Variants in TOX observed in about 807,000 individuals in gnomAD.
TOX encodes thymocyte selection-associated high mobility group box protein TOX.
Under a neutral mutation model 53.7 loss-of-function variants are expected in TOX, and 11 were observed. The ratio of observed to expected loss-of-function variants is 0.20; its 90% CI spans 0.13 to 0.34. The LOEUF is 0.34. TOX is among the 10% of genes least tolerant of loss of function. The pLI is 1.00. For synonymous variants in TOX, 225 were observed against 245.3 expected (o/e 0.92, Z 0.77); for missense variants, 570 against 664.6 (o/e 0.86, Z 1.56).
intron 1 of TOX, among the ~76,000 whole-genome samples, chr8:59,024,516 G>A (rs1047911341): frequency 2.6e-5 from 4 of 152,190 alleles, no homozygotes; most frequent in South Asian, 2.1e-4. Flanking sequence ...AAAACAGTTC[G>A]TCCAGATCCT....
intron 1 of TOX, among the ~76,000 whole-genome samples, chr8:59,035,689 G>C (rs1814445999): frequency 6.6e-6 from 1 of 152,142 alleles, no homozygotes; most frequent in Non-Finnish European, 1.5e-5. Context: ...TGTGTGCTGA[G>C]GGTGCTAGAC....
chr8:59,039,254 G>A (rs910281881), intron 1 of TOX, among the ~76,000 whole-genome samples: 1 of 152,136 alleles, frequency 6.6e-6, no homozygotes, highest in African/African-American at 2.4e-5. Flanking sequence ...TTCATCAAAT[G>A]GATTTGATAT....
intron 6 of TOX, among the ~76,000 whole-genome samples, chr8:58,817,942 A>G (rs907492939): frequency 2.6e-5 from 4 of 152,198 alleles, no homozygotes; most frequent in African/African-American, 9.6e-5. Context: ...AAAATATCGA[A>G]TTCAAAATAA....
At chr8:59,009,607 A>C (rs1249402738) in intron 1 of TOX, among the ~76,000 whole-genome samples, 2 of 152,128 alleles carry the variant, frequency 1.3e-5, no homozygotes, top group Admixed American at 1.3e-4. Context: ...TCCTGACCTC[A>C]AGTGATAAGC....
intron 3 of TOX, among the ~76,000 whole-genome samples, chr8:58,904,644 A>T (rs1290360002): frequency 1.3e-5 from 2 of 152,212 alleles, no homozygotes; most frequent in African/African-American, 4.8e-5. Context: ...ACTCTTAAGC[A>T]GTAGCAGCAG....
intron 3 of TOX, among the ~76,000 whole-genome samples, chr8:58,929,676 A>T (rs1338583424): frequency 6.6e-6 from 1 of 152,154 alleles, no homozygotes; most frequent in African/African-American, 2.4e-5. Context: ...TTATAATGCA[A>T]CATTTCAATG....
At chr8:58,952,850 A>G (rs1812646128) in intron 2 of TOX, among the ~76,000 whole-genome samples, 1 of 152,204 alleles carries the variant, frequency 6.6e-6, no homozygotes, top group South Asian at 2.1e-4. Context: ...CAGCTTGGAA[A>G]TGTATATGAT....
intron 3 of TOX, among the ~76,000 whole-genome samples, chr8:58,881,745 G>T (rs1397442166): frequency 7.8e-6 from 1 of 127,626 alleles, no homozygotes; most frequent in African/African-American, 3.0e-5. Context: ...AAAAAAAAAA[G>T]GCTTAGAGGC....
intron 1 of TOX, among the ~76,000 whole-genome samples, chr8:59,112,977 T>G (rs1365312902): frequency 2.0e-5 from 3 of 152,230 alleles, no homozygotes; most frequent in Admixed American, 1.3e-4. Context: ...TACCTATGAC[T>G]TCTCAGAAAT....
At chr8:59,108,458 A>G (rs1586024583) in intron 1 of TOX, among the ~76,000 whole-genome samples, 2 of 152,292 alleles carry the variant, frequency 1.3e-5, no homozygotes, top group African/African-American at 2.4e-5. Flanking sequence ...ATAGTTCACA[A>G]CTGCGCCTGT....
At chr8:58,912,020 G>C (rs1252425492) in intron 3 of TOX, among the ~76,000 whole-genome samples, 2 of 152,176 alleles carry the variant, frequency 1.3e-5, no homozygotes, top group African/African-American at 2.4e-5. Context: ...TTTCAATGCA[G>C]CTCCCCCGGC....
intron 3 of TOX, among the ~76,000 whole-genome samples, chr8:58,908,105 C>T (rs747809999): frequency 1.3e-5 from 2 of 152,116 alleles, no homozygotes; most frequent in Non-Finnish European, 2.9e-5. Context: ...CCCAGAGCCC[C>T]CGCCATAGGC....
intron 4 of TOX, among the ~76,000 whole-genome samples, chr8:58,849,430 C>T (rs1205447336): frequency 6.6e-6 from 1 of 152,102 alleles, no homozygotes; most frequent in Non-Finnish European, 1.5e-5. Context: ...TAAATTATTT[C>T]AAGATGTGGA....
intron 3 of TOX, among the ~76,000 whole-genome samples, chr8:58,932,591 T>C (rs946023184): frequency 1.3e-5 from 2 of 152,178 alleles, no homozygotes; most frequent in African/African-American, 2.4e-5. Flanking sequence ...ATTTGGAAAA[T>C]ATTTATTTTA....
chr8:59,043,884 C>A (rs1803639713), intron 1 of TOX, among the ~76,000 whole-genome samples: 1 of 152,162 alleles, frequency 6.6e-6, no homozygotes, highest in Non-Finnish European at 1.5e-5. Flanking sequence ...AATTATGATA[C>A]CAAATACAGT....
At chr8:58,826,930 T>C in intron 5 of TOX, 28 bp from the exon 6 acceptor site, 1 of 1,598,660 alleles carries the variant, frequency 6.3e-7, no homozygotes, top group Non-Finnish European at 8.5e-7. Flanking sequence ...AGTCTTAAAT[T>C]AGAAAGTGCA....
chr8:58,890,768 T>C (rs1811547235), intron 3 of TOX, among the ~76,000 whole-genome samples: 1 of 152,126 alleles, frequency 6.6e-6, no homozygotes, highest in Non-Finnish European at 1.5e-5. Context: ...TTTGAAGTCA[T>C]GGAACTTGAG....
At chr8:58,872,223 A>G (rs538323943) in intron 3 of TOX, among the ~76,000 whole-genome samples, 2 of 152,302 alleles carry the variant, frequency 1.3e-5, no homozygotes, top group South Asian at 4.1e-4. Context: ...AACACTAAGT[A>G]AAATAGTTCT....
intron 1 of TOX, among the ~76,000 whole-genome samples, chr8:59,041,464 G>T (rs947895699): frequency 6.6e-6 from 1 of 152,022 alleles, no homozygotes. Flanking sequence ...TGCAAACTCC[G>T]GTGAGCTACA....
Sources: allele counts gnomAD v4.1 joint callset (sites outside exome capture counted in the v4.1 genomes callset), GRCh38; gene constraint gnomAD v4.1.1; transcripts MANE v1.5; gene names NCBI Gene and HGNC (gene_info 2026-07-23, HGNC 2026-07-21).